ANXA13: variants seen among roughly 807,000 people sequenced by gnomAD.
ANXA13 encodes annexin A13.
A neutral mutation model predicts 46.6 loss-of-function variants in ANXA13; 36 were observed. That is an observed-to-expected ratio of 0.77 (90% confidence interval 0.59 to 1.02). The LOEUF (loss-of-function observed/expected upper bound fraction) is 1.02, where lower values mean the gene tolerates loss of function less well. ANXA13 is among the 50% of genes least tolerant of loss of function. The pLI, the probability that ANXA13 is intolerant of heterozygous loss-of-function variation, is 0.00. For missense variants in ANXA13, 417 were observed against 396.5 expected (o/e 1.05, Z -0.44); for synonymous variants, 163 against 152.9 (o/e 1.07, Z -0.49).
chr8:123,723,274 G>A (rs1813920792), intron 1 of ANXA13, among the ~76,000 whole-genome samples: 1 of 152,218 alleles, frequency 6.6e-6, no homozygotes, highest in Non-Finnish European at 1.5e-5. Flanking sequence ...GAGATTGACA[G>A]CACAGAGCCA....
At chr8:123,706,542 C>T (rs1813543993) in intron 2 of ANXA13, among the ~76,000 whole-genome samples, 1 of 152,192 alleles carries the variant, frequency 6.6e-6, no homozygotes, top group Non-Finnish European at 1.5e-5. Context: ...CTCCTTAGTG[C>T]CTCTCAGATG....
At chr8:123,730,076 C>T (rs1367864235) in intron 1 of ANXA13, among the ~76,000 whole-genome samples, 2 of 152,134 alleles carry the variant, frequency 1.3e-5, no homozygotes, top group Non-Finnish European at 2.9e-5. Context: ...CTACCTTCTC[C>T]CCAGTTCCAT....
chr8:123,702,826 C>T (rs1217689260), intron 2 of ANXA13, 90 bp from the exon 3 acceptor site: 22 of 1,206,860 alleles, frequency 1.8e-5, no homozygotes, highest in Non-Finnish European at 2.3e-5. Flanking sequence ...CCAGGACTCA[C>T]AGCTTAAAGG....
chr8:123,693,482 C>G (rs1813277425), intron 7 of ANXA13, among the ~76,000 whole-genome samples, 184 bp from the exon 8 acceptor site: 1 of 152,252 alleles, frequency 6.6e-6, no homozygotes, highest in Non-Finnish European at 1.5e-5. Flanking sequence ...ATTGTTTATA[C>G]CATTCTTTGT....
chr8:123,683,636 G>C (rs1813083558), intron 10 of ANXA13, among the ~76,000 whole-genome samples: 1 of 147,848 alleles, frequency 6.8e-6, no homozygotes, highest in Non-Finnish European at 1.5e-5. Flanking sequence ...ACTCAGACTG[G>C]AGTGTAGTGG....
intron 9 of ANXA13, among the ~76,000 whole-genome samples, chr8:123,685,238 G>T (rs1243266673): frequency 2.0e-5 from 3 of 152,058 alleles, no homozygotes; most frequent in Admixed American, 6.5e-5. Context: ...GGTTCCCCAC[G>T]ATCTTTTGGT....
chr8:123,688,289 G>C lies in ANXA13; in HGVS notation c.718+582C>G, dbSNP rs556393150. On this transcript the variant is annotated intron_variant, in intron 9 of 10. Transcript: ENST00000419625. ...TATAAGGGGTTTCCTCTTTCGCTTG[G>C]GTCTTATTCTGCCTTGTCTGCCACC... 2.0e-5 allele frequency among the ~76,000 whole-genome samples: 3 copies of C among 152,212 alleles called. No homozygotes were observed. The South Asian group carries it at 6.2e-4, about 32-fold the overall frequency.
chr8:123,685,499 A>G (rs899050698), intron 9 of ANXA13, among the ~76,000 whole-genome samples: 1 of 152,210 alleles, frequency 6.6e-6, no homozygotes. Flanking sequence ...AGAGGAAAAA[A>G]AAAATATTTG....
chr8:123,698,698 G>T, intron 3 of ANXA13, 139 bp from the exon 4 acceptor site: 1 of 880,156 alleles, frequency 1.1e-6, no homozygotes, highest in Non-Finnish European at 1.7e-6. Context: ...AACCTGCTGA[G>T]AACATGCAAC....
chr8:123,684,445 T>C (rs930252889), intron 10 of ANXA13, among the ~76,000 whole-genome samples, 165 bp downstream of exon 10: 1 of 152,176 alleles, frequency 6.6e-6, no homozygotes, highest in African/African-American at 2.4e-5. Context: ...AAGAAACAGA[T>C]TGAAGCAGAG....
rs376806979 is a variant in ANXA13, at chr8:123,698,463, G to A, written c.283C>T (p.Leu95=). The A allele has an allele frequency of 6.2e-7, 1 of 1,614,202 alleles. No individual in the cohort carries two copies. Among genetic ancestry groups the A allele is most frequent in the African/African-American group, 1.3e-5 (1 of 75,060 alleles). ...DRPSEYAARQ[L]QKAMKGLGTD... is the part of the protein sequence containing the mutation. Reference sequence around the variant, plus strand: ...CCCAGACCCTTCATAGCCTTCTGCAGCTGCCGGGCGGCGTACTCGCTGGGA... The same window carrying A: ...CCCAGACCCTTCATAGCCTTCTGCAACTGCCGGGCGGCGTACTCGCTGGGA... The change falls in exon 4 of 11, where the codon CTG becomes TTG. Residue 95 remains leucine (L), a synonymous_variant. Coordinates refer to ENST00000419625, the MANE Select transcript of ANXA13 (RefSeq NM_004306.4).
chr8:123,694,858 GCAGTGGAAGCCTCT>G (rs1813301491), intron 6 of ANXA13, among the ~76,000 whole-genome samples: 1 of 152,298 alleles, frequency 6.6e-6, no homozygotes, highest in South Asian at 2.1e-4. Flanking sequence ...TCTTCCTGCT[GCAGTGGAAGCCTCT>G]CTCTTCTGTT....
At chr8:123,683,016 C>T (rs1472222132) in intron 10 of ANXA13, among the ~76,000 whole-genome samples, 3 of 152,110 alleles carry the variant, frequency 2.0e-5, no homozygotes, top group African/African-American at 7.2e-5. Flanking sequence ...TCAACCTGTC[C>T]CTTTTGAGTC....
intron 2 of ANXA13, among the ~76,000 whole-genome samples, chr8:123,705,394 G>A (rs889370780): frequency 2.0e-5 from 3 of 152,214 alleles, no homozygotes; most frequent in African/African-American, 7.2e-5. Flanking sequence ...GTGGCATCGA[G>A]ACTTCCCGCA....
intron 1 of ANXA13, among the ~76,000 whole-genome samples, chr8:123,720,069 T>C (rs78289816): frequency 0.018 from 2,802 of 152,284 alleles, 27 homozygotes; most frequent in Middle Eastern, 0.037. Context: ...GGGAGTGGCA[T>C]TTGGACTGTT....
In ANXA13 at chr8:123,709,883, C is replaced by T. The variant is rs567069683; in HGVS notation, c.91+2795G>A. ...AAGCGATTCTCCTGCCTCAGCCTCC[C>T]GAGTAGCTGGGACTACGGGTGTGCA... On this transcript the variant is annotated intron_variant, in intron 2 of 10. Transcript: ENST00000419625. Among the ~76,000 whole-genome samples, 288 of 152,236 alleles carry T rather than the reference C, an allele frequency of 1.9e-3. 1 individual carries two copies. Among genetic ancestry groups the T allele is most frequent in the Non-Finnish European group, 3.5e-3 (241 of 67,994 alleles).
At chr8:123,719,541 A>G (rs927030095) in intron 1 of ANXA13, among the ~76,000 whole-genome samples, 7 of 152,218 alleles carry the variant, frequency 4.6e-5, no homozygotes, top group East Asian at 1.9e-4. Flanking sequence ...AATAGCTGAG[A>G]GGAGAAAGGA....
intron 8 of ANXA13, among the ~76,000 whole-genome samples, chr8:123,691,343 G>A (rs776522511): frequency 7.2e-5 from 11 of 152,138 alleles, no homozygotes; most frequent in Non-Finnish European, 1.5e-4. Context: ...TGACACTTGA[G>A]CAAGGCTTTT....
intron 1 of ANXA13, among the ~76,000 whole-genome samples, chr8:123,720,145 A>G (rs1250418527): frequency 6.6e-6 from 1 of 152,168 alleles, no homozygotes; most frequent in Non-Finnish European, 1.5e-5. Context: ...AACATTTGAC[A>G]ATGGTTGCTT....
Sources: gnomAD v4.1 joint callset for allele counts (sites outside exome capture counted in the v4.1 genomes callset) on GRCh38, gnomAD v4.1.1 for gene constraint, MANE v1.5 for transcripts, NCBI Gene and HGNC (gene_info 2026-07-23, HGNC 2026-07-21) for gene names.